The following TRDN variants were observed in gnomAD, a reference collection of about 807,000 sequenced individuals.
TRDN encodes the protein triadin in skeletal muscle.
A neutral mutation model predicts 149.7 loss-of-function variants in TRDN; 161 were observed. The ratio of observed to expected loss-of-function variants is 1.08; its 90% CI spans 0.95 to 1.23. The LOEUF is 1.23. TRDN is among the 50% of genes most tolerant of loss of function. The pLI, the probability that TRDN is intolerant of heterozygous loss-of-function variation, is 0.00. For synonymous variants in TRDN, 294 were observed against 250.5 expected (o/e 1.17, Z -1.64); for missense variants, 896 against 823.5 (o/e 1.09, Z -1.08).
rs529807266 is a variant in TRDN, at chr6:123,242,336, G to T, written c.1975+10076C>A. On this transcript the variant is annotated intron_variant, in intron 38 of 40. Coordinates refer to ENST00000334268, the MANE Select transcript of TRDN (RefSeq NM_006073.4). ...GTGTTATTTAAATTTTAAGAATGTG[G>T]GATTTTTTTGCTTTTAATTTTTAAA... 1.5e-3 allele frequency among the ~76,000 whole-genome samples: 229 copies of T among 151,790 alleles called. 1 individual carries two copies. Among genetic ancestry groups the T allele is most frequent in the Non-Finnish European group, 2.7e-3 (184 of 67,922 alleles).
intron 8 of TRDN, among the ~76,000 whole-genome samples, chr6:123,499,719 A>AAAAAAATATAT: frequency 2.1e-4 from 10 of 47,672 alleles, no homozygotes; most frequent in East Asian, 2.1e-3. Flanking sequence ...AAAAAAAAAA[A>AAAAAAATATAT]ATATATATAT....
rs750687220 is a variant in TRDN, at chr6:123,524,076, G to A, written c.484+6430C>T. The stretch of plus-strand genomic sequence containing the variant: ...CATTAATGGCTCCAGGCTGGAGTAC[G>A]CACATAGATACATATTTAAAAGCTA... On this transcript the variant is annotated intron_variant, in intron 5 of 40. Coordinates refer to ENST00000334268, the MANE Select transcript of TRDN (RefSeq NM_006073.4). Among the ~76,000 whole-genome samples, 17 of 152,166 alleles carry A rather than the reference G, an allele frequency of 1.1e-4. No individual in the cohort carries two copies. The South Asian group carries it at 1.2e-3, about 11-fold the overall frequency.
chr6:123,606,655 T>C (rs999909995), intron 1 of TRDN, among the ~76,000 whole-genome samples: 1 of 152,126 alleles, frequency 6.6e-6, no homozygotes, highest in East Asian at 1.9e-4. Flanking sequence ...AATGTGTCCA[T>C]GCAGTATTTA....
intron 38 of TRDN, among the ~76,000 whole-genome samples, chr6:123,229,019 T>C (rs371033741): frequency 2.6e-4 from 39 of 152,072 alleles, no homozygotes; most frequent in African/African-American, 8.9e-4. Context: ...ACATTATAAG[T>C]AGTGTAAGCT....
At chr6:123,562,244 C>T (rs181799678) in intron 2 of TRDN, among the ~76,000 whole-genome samples, 91 of 152,288 alleles carry the variant, frequency 6.0e-4, no homozygotes, top group African/African-American at 2.1e-3. Context: ...TATCTCCCTT[C>T]GCTGACTCTC....
intron 12 of TRDN, among the ~76,000 whole-genome samples, chr6:123,433,162 A>ATATATATAT (rs796874348): frequency 0.037 from 2,964 of 79,376 alleles, 245 homozygotes; most frequent in East Asian, 0.097. Flanking sequence ...ATATATATAT[A>ATATATATAT]ATATATATAT....
chr6:123,265,288 A>G (rs1461431273), intron 33 of TRDN, 30 bp downstream of exon 33: 1 of 1,392,046 alleles, frequency 7.2e-7, no homozygotes, highest in East Asian at 2.7e-5. Flanking sequence ...GAAATAGGAC[A>G]ATTTTAAAAT....
intron 2 of TRDN, among the ~76,000 whole-genome samples, chr6:123,556,988 A>G (rs904640803): frequency 6.6e-6 from 1 of 152,048 alleles, no homozygotes; most frequent in Admixed American, 6.5e-5. Flanking sequence ...TGATGACATT[A>G]CCTTGTGAAA....
chr6:123,567,684 C>A (rs1033157467), intron 2 of TRDN, among the ~76,000 whole-genome samples: 1 of 152,146 alleles, frequency 6.6e-6, no homozygotes, highest in East Asian at 1.9e-4. Context: ...CTCACAAGAT[C>A]TCATTCACTA....
intron 24 of TRDN, among the ~76,000 whole-genome samples, chr6:123,282,243 G>A (rs1053483393): frequency 1.3e-5 from 2 of 151,796 alleles, no homozygotes; most frequent in African/African-American, 2.4e-5. Flanking sequence ...ACATATATAA[G>A]TTCTATATAT....
At chr6:123,517,284 G>GGGAAGAGAC (rs1215720525) in intron 5 of TRDN, among the ~76,000 whole-genome samples, 1 of 152,066 alleles carries the variant, frequency 6.6e-6, no homozygotes, top group Non-Finnish European at 1.5e-5. Context: ...GAGGGAAAAG[G>GGGAAGAGAC]GGAAGAGACC....
chr6:123,377,234 A>C (rs1195835776), intron 18 of TRDN, among the ~76,000 whole-genome samples: 1 of 152,340 alleles, frequency 6.6e-6, no homozygotes, highest in East Asian at 1.9e-4. Context: ...ATTAAGTAAG[A>C]TTATGAATAA....
chr6:123,408,198 T>C (rs1773274735), intron 12 of TRDN, among the ~76,000 whole-genome samples: 1 of 152,228 alleles, frequency 6.6e-6, no homozygotes, highest in African/African-American at 2.4e-5. Context: ...ACCATGTGTT[T>C]AGTGCTATTT....
At chr6:123,236,369 T>C (rs775373172) in intron 38 of TRDN, among the ~76,000 whole-genome samples, 3 of 152,228 alleles carry the variant, frequency 2.0e-5, no homozygotes, top group Non-Finnish European at 4.4e-5. Context: ...TTAACTAACA[T>C]TTTATTTCAC....
chr6:123,506,984 G>A (rs962937652), intron 7 of TRDN, among the ~76,000 whole-genome samples: 2 of 152,096 alleles, frequency 1.3e-5, no homozygotes, highest in African/African-American at 4.8e-5. Flanking sequence ...TCACCATAGT[G>A]TCTAGCACAA....
chr6:123,455,842 A>C (rs1776088996), intron 10 of TRDN, among the ~76,000 whole-genome samples: 1 of 152,188 alleles, frequency 6.6e-6, no homozygotes, highest in African/African-American at 2.4e-5. Flanking sequence ...ACATAAAATT[A>C]CTGTTTCCAT....
intron 9 of TRDN, among the ~76,000 whole-genome samples, chr6:123,467,581 G>A (rs1776906499): frequency 6.6e-6 from 1 of 152,052 alleles, no homozygotes; most frequent in African/African-American, 2.4e-5. Context: ...TGTCTCCATG[G>A]TGACAGTGAT....
intron 1 of TRDN, among the ~76,000 whole-genome samples, chr6:123,577,066 G>C (rs765353699): frequency 3.9e-5 from 6 of 152,058 alleles, no homozygotes; most frequent in Non-Finnish European, 8.8e-5. Context: ...TGAGAAGTAG[G>C]CTATCAAATC....
At chr6:123,381,198 G>A (rs908302031) in intron 16 of TRDN, among the ~76,000 whole-genome samples, 172 bp downstream of exon 16, 2 of 152,014 alleles carry the variant, frequency 1.3e-5, no homozygotes, top group South Asian at 4.1e-4. Context: ...ATGCTTCTCA[G>A]TCCACTCTAA....
Sources: allele counts gnomAD v4.1 joint callset (sites outside exome capture counted in the v4.1 genomes callset), GRCh38; gene constraint gnomAD v4.1.1; transcripts MANE v1.5; gene names NCBI Gene and HGNC (gene_info 2026-07-23, HGNC 2026-07-21).